The following SIRPA variants were observed in gnomAD, a reference collection of about 807,000 sequenced individuals.
SIRPA encodes the protein tyrosine-protein phosphatase non-receptor type substrate 1.
A neutral mutation model predicts 50.3 loss-of-function variants in SIRPA; 9 were observed. The observed-to-expected ratio is 0.18, with a 90% CI of 0.11 to 0.31. The LOEUF (loss-of-function observed/expected upper bound fraction) is 0.31. Ranked by LOEUF, SIRPA falls within the 10% of genes least tolerant of loss-of-function variation. The pLI, the probability that SIRPA is intolerant of heterozygous loss-of-function variation, is 1.00. For synonymous variants in SIRPA, 265 were observed against 284.1 expected, an observed-to-expected ratio of 0.93 and a Z score of 0.68; for missense variants, 474 against 661.6, an observed-to-expected ratio of 0.72 and a Z score of 3.11.
At position 1,895,506 on chromosome 20, in the gene SIRPA, C is replaced by A; in HGVS notation, c.59C>A (p.Ala20Asp). ...RLGPLLCLLL[A>D]ASCAWSGVAG... ...GGGCCGCTGCTCTGCCTGCTGCTCG[C>A]CGCGTCCTGCGCCTGGTCAGGTAAG... Residue 20 changes from alanine (A) to aspartate (D), a missense_variant, in exon 1 of 8, where the codon GCC becomes GAC. By Grantham distance (126) the Ala-to-Asp change is moderately radical (BLOSUM62 -2). Around this residue, in one of 4 missense-constraint regions of SIRPA, gnomAD observed 72 missense variants for 76.2 expected, o/e 0.94. Transcript: ENST00000358771. 6.8e-7 allele frequency: 1 copy of A among 1,460,816 alleles called. No homozygotes were observed. The highest frequency in any genetic ancestry group is 1.4e-5 in the South Asian group (1 of 73,924). 90.5% of individuals were successfully genotyped at this position (1,460,816 alleles called of 1,614,324 possible).
Position 1,924,976 on chromosome 20 carries a change from C to A in SIRPA, c.1201+99C>A. On this transcript the variant is annotated intron_variant, in intron 5 of 7. Transcript: ENST00000358771. This position sits in a 1 kb window ranked among gnomAD's most constrained non-coding sequence, Gnocchi z 4.5. ...TTTGGGTTAAGGACATCAGCTTCTG[C>A]CAGTAGCAAGAAGTCCAGAGGTAGT... is the stretch of plus-strand genomic sequence containing the variant. 3.3e-6 allele frequency: 3 copies of A among 921,378 alleles called. No homozygotes were observed. Among genetic ancestry groups the A allele is most frequent in the Non-Finnish European group, 5.2e-6 (3 of 575,130 alleles). 57.1% of individuals were successfully genotyped at this position (921,378 alleles called of 1,614,324 possible).
chr20:1,895,399 G>A (rs1413102184), upstream of SIRPA: 15 of 1,153,758 alleles, frequency 1.3e-5, no homozygotes, highest in South Asian at 3.9e-5. Context: ...GCTCCCGCCC[G>A]AGCGCGCACT....
At chr20:1,911,661 G>T (rs1439563114) in intron 1 of SIRPA, among the ~76,000 whole-genome samples, 1 of 152,140 alleles carries the variant, frequency 6.6e-6, no homozygotes. Context: ...GCCCAGCAAA[G>T]GCTGGTGAAC....
At chr20:1,902,239 G>A (rs898972757) in intron 1 of SIRPA, among the ~76,000 whole-genome samples, 16 of 151,992 alleles carry the variant, frequency 1.1e-4, no homozygotes, top group Non-Finnish European at 1.9e-4. Flanking sequence ...TTCACCCACC[G>A]ATACTCTCTC....
upstream of SIRPA, chr20:1,894,655 C>G (rs1983647647): frequency 6.7e-6 from 1 of 149,842 alleles, no homozygotes; most frequent in African/African-American, 2.4e-5. The surrounding 1 kb of genome is among the most constrained non-coding windows in gnomAD (Gnocchi z 4.0). Flanking sequence ...CGCGGCGGCT[C>G]GCGGGGCCGC....
At chr20:1,935,292 A>G (rs1242228914) in intron 7 of SIRPA, among the ~76,000 whole-genome samples, 1 of 152,246 alleles carries the variant, frequency 6.6e-6, no homozygotes, top group Non-Finnish European at 1.5e-5. Flanking sequence ...ATGATTTTGC[A>G]GCAACACGGT....
chr20:1,911,278 C>T (rs6045379), intron 1 of SIRPA, among the ~76,000 whole-genome samples: 1 of 149,694 alleles, frequency 6.7e-6, no homozygotes, highest in Non-Finnish European at 1.5e-5. Context: ...TCTTAGTTAC[C>T]TAAAGGTATG....
In SIRPA at chr20:1,927,735, G is replaced by A. The variant is rs111811397; in HGVS notation, c.1202-140G>A. 4.8e-4 allele frequency: 369 copies of A among 762,250 alleles called. 2 individuals are homozygous for A. The highest frequency in any genetic ancestry group is 4.1e-3 in the African/African-American group (242 of 58,412). The allele number at this position is 762,250 out of a possible 1,614,324, so 47.2% of individuals were successfully genotyped here. The stretch of plus-strand genomic sequence containing the variant: ...GAGGATGCCCACTGGGTGGGCATGG[G>A]GGTCTCCTGTGGTTCCAAGGATGTG... On this transcript the variant is annotated intron_variant, in intron 5 of 7. Transcript: ENST00000358771. The surrounding 1 kb of genome is among the most constrained non-coding windows in gnomAD (Gnocchi z 6.5).
At position 1,928,384 on chromosome 20, in the gene SIRPA, T is replaced by C. The variant is rs1986115720; in HGVS notation, c.1226+485T>C. On this transcript the variant is annotated intron_variant, in intron 6 of 7. Transcript: ENST00000358771. The surrounding 1 kb of genome is among the most constrained non-coding windows in gnomAD (Gnocchi z 4.9). The stretch of plus-strand genomic sequence containing the variant: ...CTGGTCAGAGGCTCAGACGGTGACA[T>C]TACATCACTGATGTACGTCACCGAT... Among the ~76,000 whole-genome samples, 1 of 152,134 alleles carries C rather than the reference T, an allele frequency of 6.6e-6. No homozygotes were observed. The highest frequency in any genetic ancestry group is 6.5e-5 in the Admixed American group (1 of 15,282).
rs1986465043 is a variant in SIRPA, at chr20:1,934,585, T to TC, written c.1227-129dup. ...CAAACATTTGATATGCAGTTGTATT[T>TC]CTGTTATGAGTCCTTCGTTCATGTC... On this transcript the variant is annotated intron_variant, in intron 6 of 7. Coordinates refer to ENST00000358771, the MANE Select transcript of SIRPA (RefSeq NM_001040023.2). This position sits in a 1 kb window ranked among gnomAD's most constrained non-coding sequence, Gnocchi z 4.6. The TC allele has an allele frequency of 1.2e-5, 9 of 782,156 alleles. No homozygotes were observed. Among genetic ancestry groups the TC allele is most frequent in the Non-Finnish European group, 1.9e-5 (9 of 475,614 alleles). The allele number at this position is 782,156 out of a possible 1,614,324, so 48.5% of individuals were successfully genotyped here.
intron 1 of SIRPA, among the ~76,000 whole-genome samples, chr20:1,905,177 T>C (rs1600399691): frequency 6.6e-6 from 1 of 152,222 alleles, no homozygotes; most frequent in Non-Finnish European, 1.5e-5. Context: ...CTGCCGGCAG[T>C]GTGCTGAAAC....
In SIRPA at chr20:1,927,430, C is replaced by A. The variant is rs190438441; in HGVS notation, c.1202-445C>A. ...AGAGAGGAAGTGACCCACCCGGGGT[C>A]ACATGGTGAGTGAGTGGGTAGCAGA... On this transcript the variant is annotated intron_variant, in intron 5 of 7. Transcript: ENST00000358771. The surrounding 1 kb of genome is among the most constrained non-coding windows in gnomAD (Gnocchi z 6.5). Among the ~76,000 whole-genome samples, 2 of 152,314 alleles carry A rather than the reference C, an allele frequency of 1.3e-5. No individual in the cohort carries two copies. The highest frequency in any genetic ancestry group is 3.9e-4 in the East Asian group (2 of 5,180).
intron 5 of SIRPA, among the ~76,000 whole-genome samples, chr20:1,926,923 T>A (rs1374948268): frequency 6.6e-6 from 1 of 152,244 alleles, no homozygotes; most frequent in Admixed American, 6.5e-5. Context: ...TACCCAGCTG[T>A]GTGACCCTGA....
At chr20:1,905,432 C>T (rs1217845489) in intron 1 of SIRPA, among the ~76,000 whole-genome samples, 9 of 152,184 alleles carry the variant, frequency 5.9e-5, no homozygotes, top group Admixed American at 2.6e-4. Context: ...GACAATAGCA[C>T]CTGCCACTCT....
Position 1,924,650 on chromosome 20 carries a change from T to G in SIRPA, c.1088-114T>G, listed in dbSNP as rs78278444. 6 of 821,120 alleles carry G rather than the reference T, an allele frequency of 7.3e-6. No individual in the cohort carries two copies. The Admixed American group carries it at 8.3e-5, about 11-fold the overall frequency. The allele number at this position is 821,120 out of a possible 1,614,324, so 50.9% of individuals were successfully genotyped here. ...ATGTGGCTCGAGACATCTAAGAAGG[T>G]CCAGCCAGATGTTCTCAGTTAATGA... On this transcript the variant is annotated intron_variant, in intron 4 of 7. Coordinates refer to ENST00000358771, the MANE Select transcript of SIRPA (RefSeq NM_001040023.2). This position sits in a 1 kb window ranked among gnomAD's most constrained non-coding sequence, Gnocchi z 4.5.
chr20:1,908,091 G>T (rs557104952), intron 1 of SIRPA, among the ~76,000 whole-genome samples: 1 of 152,290 alleles, frequency 6.6e-6, no homozygotes, highest in East Asian at 1.9e-4. Context: ...ACCACACAGG[G>T]TGTTGACCGC....
At chr20:1,904,343 C>T (rs1057162821) in intron 1 of SIRPA, among the ~76,000 whole-genome samples, 14 of 152,188 alleles carry the variant, frequency 9.2e-5, no homozygotes, top group Non-Finnish European at 7.3e-5. Flanking sequence ...TGAAACATGA[C>T]GTAATTAGTG....
At chr20:1,913,163 G>A (rs4813322) in intron 1 of SIRPA, among the ~76,000 whole-genome samples, 55,918 of 152,000 alleles carry the variant, frequency 0.37, 10,609 homozygotes, top group East Asian at 0.66. Flanking sequence ...TCAGGAAAAG[G>A]AAGTCGAAAT....
intron 5 of SIRPA, among the ~76,000 whole-genome samples, chr20:1,926,515 C>A (rs1310269539): frequency 6.6e-6 from 1 of 152,230 alleles, no homozygotes; most frequent in Admixed American, 6.5e-5. Context: ...CCACCCAGCC[C>A]GAGTGGCAGG....
Sources: allele counts gnomAD v4.1 joint callset (sites outside exome capture counted in the v4.1 genomes callset), GRCh38; gene constraint gnomAD v4.1.1; regional missense constraint gnomAD v4.1.1; non-coding constraint Gnocchi (gnomAD v3.1); transcripts MANE v1.5; gene names NCBI Gene and HGNC (gene_info 2026-07-23, HGNC 2026-07-21).